Variants in OLA1 observed in about 807,000 individuals in gnomAD.
OLA1 encodes obg-like ATPase 1.
A neutral mutation model predicts 48.4 loss-of-function variants in OLA1; 14 were observed. That is an observed-to-expected ratio of 0.29 (90% confidence interval 0.19 to 0.45). The LOEUF is 0.45. Among genes scored for constraint, OLA1 ranks in the 20% least tolerant of loss-of-function variants. The pLI is 1.00. For synonymous variants in OLA1, 127 were observed against 150.4 expected (o/e 0.84, Z 1.14); for missense variants, 325 against 467.1 (o/e 0.70, Z 2.80).
intron 2 of OLA1, among the ~76,000 whole-genome samples, chr2:174,240,978 C>T (rs1018680448): frequency 8.5e-5 from 13 of 152,168 alleles, no homozygotes; most frequent in African/African-American, 3.1e-4. Flanking sequence ...TTCCCCTCTC[C>T]CCATGTCTCT....
chr2:174,130,181 A>T (rs1057435453), intron 5 of OLA1, among the ~76,000 whole-genome samples: 5 of 152,180 alleles, frequency 3.3e-5, no homozygotes, highest in Non-Finnish European at 7.4e-5. Context: ...ATCTCTCTGA[A>T]TCACAGTATT....
chr2:174,224,378 A>T (rs1688571245), intron 3 of OLA1, among the ~76,000 whole-genome samples: 1 of 152,252 alleles, frequency 6.6e-6, no homozygotes, highest in Non-Finnish European at 1.5e-5. Flanking sequence ...CTAACTCTAG[A>T]AGTGGGGCAT....
intron 4 of OLA1, among the ~76,000 whole-genome samples, chr2:174,156,538 C>T (rs1574515345): frequency 7.0e-6 from 1 of 142,424 alleles, no homozygotes. Flanking sequence ...GAGACGTATT[C>T]TTGTGATCTT....
At chr2:174,099,752 T>C (rs1378475545) in intron 7 of OLA1, among the ~76,000 whole-genome samples, 4 of 152,244 alleles carry the variant, frequency 2.6e-5, no homozygotes, top group African/African-American at 9.6e-5. Context: ...TTGAGTGGTT[T>C]CTCATACTTT....
Position 174,081,304 on chromosome 2 carries a change from G to A in OLA1, c.870-56C>T, listed in dbSNP as rs533678011. The A allele has an allele frequency of 7.1e-5, 90 of 1,273,146 alleles. 1 individual carries two copies. In the South Asian group the frequency reaches 1.1e-3, roughly 15 times the overall value. The allele number at this position is 1,273,146 out of a possible 1,614,324, so 78.9% of individuals were successfully genotyped here. A position where few individuals can be genotyped will look rare whatever the true frequency, so the allele number is the denominator to read the frequency against. On this transcript the variant is annotated intron_variant, in intron 8 of 10. Transcript: ENST00000284719. ...ACATAAGTTGATTGTGCCAGAAATT[G>A]GTATAGAGCTAAAATTATTCATTTC...
At chr2:174,083,027 AAG>A (rs1471327081) in intron 7 of OLA1, among the ~76,000 whole-genome samples, 1 of 152,152 alleles carries the variant, frequency 6.6e-6, no homozygotes, top group African/African-American at 2.4e-5. Flanking sequence ...GCAAATAGTA[AAG>A]AATTAACAGC....
At chr2:174,160,910 T>C (rs903702214) in intron 4 of OLA1, among the ~76,000 whole-genome samples, 5 of 152,216 alleles carry the variant, frequency 3.3e-5, no homozygotes, top group Non-Finnish European at 7.3e-5. Flanking sequence ...ACCCTCTTGA[T>C]GATCAGCTTC....
chr2:174,185,514 A>AT (rs920822292), intron 4 of OLA1, among the ~76,000 whole-genome samples: 11 of 151,460 alleles, frequency 7.3e-5, no homozygotes, highest in African/African-American at 1.5e-4. Context: ...TCCTATGAGC[A>AT]TTTTTTTTTA....
chr2:174,198,251 G>A lies in OLA1; in HGVS notation c.373+24782C>T, dbSNP rs138583377. 3.5e-4 allele frequency among the ~76,000 whole-genome samples: 54 copies of A among 152,210 alleles called. 1 individual carries two copies. In the East Asian group the frequency reaches 8.9e-3, roughly 25 times the overall value. ...GCTGGGATTACAGGCATGAGCCACC[G>A]TGCCCAGCCTGCAATAAAATTTTAT... is the stretch of plus-strand genomic sequence containing the variant. On this transcript the variant is annotated intron_variant, in intron 4 of 10. Transcript: ENST00000284719.
intron 4 of OLA1, among the ~76,000 whole-genome samples, chr2:174,163,817 A>G (rs528689172): frequency 0.01 from 1,392 of 132,826 alleles, 183 homozygotes; most frequent in Middle Eastern, 0.04. Context: ...TGATCCAAAA[A>G]AAAAGTTTTT....
intron 2 of OLA1, among the ~76,000 whole-genome samples, chr2:174,239,630 G>A (rs1688946778): frequency 6.8e-6 from 1 of 146,752 alleles, no homozygotes; most frequent in South Asian, 2.1e-4. Flanking sequence ...TATAATCCCA[G>A]CACTTGGAAG....
At chr2:174,246,995 G>C (rs1033592393) in intron 1 of OLA1, 180 bp from the exon 2 acceptor site, 6 of 420,168 alleles carry the variant, frequency 1.4e-5, no homozygotes, top group Non-Finnish European at 2.1e-5. Flanking sequence ...TGTTTAAAAA[G>C]TTCTGTAAAC....
intron 4 of OLA1, among the ~76,000 whole-genome samples, chr2:174,204,275 C>T (rs1038880248): frequency 1.3e-5 from 2 of 152,024 alleles, no homozygotes; most frequent in Non-Finnish European, 2.9e-5. Context: ...GTGGCGGGCG[C>T]CTGTAGTCCC....
chr2:174,130,575 A>G (rs1004490771), intron 5 of OLA1, among the ~76,000 whole-genome samples: 1 of 152,182 alleles, frequency 6.6e-6, no homozygotes, highest in Non-Finnish European at 1.5e-5. Context: ...TCAGCAAAGG[A>G]TCTGGCTATT....
At chr2:174,230,048 A>G (rs1396132204) in intron 2 of OLA1, among the ~76,000 whole-genome samples, 1 of 152,214 alleles carries the variant, frequency 6.6e-6, no homozygotes, top group Non-Finnish European at 1.5e-5. Flanking sequence ...AGAAAATATA[A>G]TATCTATTAA....
At chr2:174,139,820 G>A (rs1686396698) in intron 5 of OLA1, among the ~76,000 whole-genome samples, 2 of 138,966 alleles carry the variant, frequency 1.4e-5, no homozygotes, top group Admixed American at 8.0e-5. Flanking sequence ...AGCCGAGATA[G>A]TGCCACTGAA....
At chr2:174,138,329 C>G (rs1282059026) in intron 5 of OLA1, among the ~76,000 whole-genome samples, 1 of 152,110 alleles carries the variant, frequency 6.6e-6, no homozygotes, top group African/African-American at 2.4e-5. Context: ...ACACAGACAA[C>G]CCGGGAGAGG....
intron 4 of OLA1, among the ~76,000 whole-genome samples, chr2:174,148,314 G>C (rs1018508753): frequency 1.3e-5 from 2 of 152,154 alleles, no homozygotes; most frequent in Non-Finnish European, 2.9e-5. Context: ...GCTTGAACCT[G>C]GGAGGTGGAG....
intron 8 of OLA1, 30 bp from the exon 9 acceptor site, chr2:174,081,278 C>A: frequency 6.5e-7 from 1 of 1,546,328 alleles, no homozygotes. Flanking sequence ...ATTCACCCAA[C>A]ACATAAGTTG....
Sources: gnomAD v4.1 joint callset for allele counts (sites outside exome capture counted in the v4.1 genomes callset) on GRCh38, gnomAD v4.1.1 for gene constraint, MANE v1.5 for transcripts, NCBI Gene and HGNC (gene_info 2026-07-23, HGNC 2026-07-21) for gene names.